Variants in OXR1 observed in about 807,000 individuals in gnomAD.
OXR1 encodes oxidation resistance 1.
Under a neutral mutation model 104.6 loss-of-function variants are expected in OXR1, and 41 were observed. The observed-to-expected ratio is 0.39, with a 90% CI of 0.31 to 0.51. The LOEUF (loss-of-function observed/expected upper bound fraction) is 0.51. Among genes scored for constraint, OXR1 ranks in the 20% least tolerant of loss-of-function variants. The pLI, the probability that OXR1 is intolerant of heterozygous loss-of-function variation, is 0.77. For synonymous variants in OXR1, 348 were observed against 348.4 expected (o/e 1.00, Z 0.01); for missense variants, 955 against 1,031.9 (o/e 0.93, Z 1.02).
chr8:106,713,896 A>G lies in OXR1; in HGVS notation c.1867A>G (p.Arg623Gly). The G allele has an allele frequency of 1.3e-6, 2 of 1,593,420 alleles. No homozygotes were observed. The highest frequency in any genetic ancestry group is 1.7e-6 in the Non-Finnish European group (2 of 1,172,942). ...IYAEDTGEYT[R>G]EPGFIVVKKI... ...TGCAGAAGATACTGGCGAATATACC[A>G]GAGAACCTGGATTTATAGTAGTAAA... is the stretch of plus-strand genomic sequence containing the variant. The change falls in exon 11 of 17, where the codon AGA becomes GGA. Residue 623 changes from arginine to glycine, a missense_variant. This residue lies in a region of OXR1 where 849 missense variants were observed against 852.9 expected (regional missense o/e 1.00). Coordinates refer to ENST00000517566, the MANE Select transcript of OXR1 (RefSeq NM_001198533.2).
At chr8:106,561,192 C>T (rs182692026) in intron 3 of OXR1, among the ~76,000 whole-genome samples, 1 of 152,168 alleles carries the variant, frequency 6.6e-6, no homozygotes, top group African/African-American at 2.4e-5. Context: ...CGGATCCCAC[C>T]CCCGCCAGAG....
intron 3 of OXR1, among the ~76,000 whole-genome samples, chr8:106,574,193 CT>C (rs1817667851): frequency 6.6e-6 from 1 of 151,894 alleles, no homozygotes; most frequent in African/African-American, 2.4e-5. Context: ...TACTAATTTG[CT>C]CCTATAAAAA....
At chr8:106,296,324 C>T (rs943240690) in intron 1 of OXR1, among the ~76,000 whole-genome samples, 3 of 152,080 alleles carry the variant, frequency 2.0e-5, no homozygotes, top group Admixed American at 1.3e-4. Flanking sequence ...AATTAGTGAT[C>T]GCCTCAGGCT....
chr8:106,343,768 G>A (rs548446492), intron 1 of OXR1, among the ~76,000 whole-genome samples: 1 of 152,320 alleles, frequency 6.6e-6, no homozygotes, highest in South Asian at 2.1e-4. Flanking sequence ...TATAATGAAA[G>A]CATCTAATAT....
intron 8 of OXR1, among the ~76,000 whole-genome samples, chr8:106,705,582 A>G (rs557065877): frequency 1.3e-5 from 2 of 152,324 alleles, no homozygotes; most frequent in Non-Finnish European, 2.9e-5. Context: ...AAGAACTCAT[A>G]TAATTTTCAT....
intron 7 of OXR1, among the ~76,000 whole-genome samples, chr8:106,699,930 G>A (rs1436390170): frequency 6.6e-6 from 1 of 152,142 alleles, no homozygotes; most frequent in African/African-American, 2.4e-5. Context: ...AAAAATATCA[G>A]TACAAGCTTT....
intron 1 of OXR1, among the ~76,000 whole-genome samples, chr8:106,327,397 A>C (rs1814514880): frequency 6.6e-6 from 1 of 152,200 alleles, no homozygotes; most frequent in African/African-American, 2.4e-5. Context: ...TCTGTCCTTA[A>C]TTCTAGCATT....
At position 106,487,243 on chromosome 8, in the gene OXR1, C is replaced by T. The variant is rs534435963; in HGVS notation, c.24-31700C>T. ...TTCACCATGTTGGCCAGGCTAGTCT[C>T]GAACTCCTGACCTCAGGTGATCTGC... On this transcript the variant is annotated intron_variant, in intron 2 of 16. Transcript: ENST00000517566. Among the ~76,000 whole-genome samples, 22 of 151,334 alleles carry T rather than the reference C, an allele frequency of 1.5e-4. No individual in the cohort carries two copies. The East Asian group carries it at 3.5e-3, about 24-fold the overall frequency.
intron 3 of OXR1, among the ~76,000 whole-genome samples, chr8:106,626,891 G>T (rs913012805): frequency 6.6e-6 from 1 of 151,394 alleles, no homozygotes; most frequent in African/African-American, 2.4e-5. Context: ...AATAACTTTT[G>T]TAAAGCACTA....
chr8:106,621,065 G>A lies in OXR1; in HGVS notation c.221-58145G>A, dbSNP rs565426888. Among the ~76,000 whole-genome samples, 21 of 152,256 alleles carry A rather than the reference G, an allele frequency of 1.4e-4. 1 individual carries two copies. The South Asian group carries it at 2.5e-3, about 18-fold the overall frequency. On this transcript the variant is annotated intron_variant, in intron 3 of 16. Coordinates refer to ENST00000517566, the MANE Select transcript of OXR1 (RefSeq NM_001198533.2). Reference sequence around the variant, plus strand: ...AGCTTTCTGAATTTAGAGGAGAACCGTGAAATCTATCTTCAGATTATTTCT... The same window carrying A: ...AGCTTTCTGAATTTAGAGGAGAACCATGAAATCTATCTTCAGATTATTTCT...
chr8:106,657,935 C>G, intron 3 of OXR1: 1 of 1,247,748 alleles, frequency 8.0e-7, no homozygotes, highest in Non-Finnish European at 1.0e-6. Context: ...GCCGCCACCG[C>G]CGAAACCGTC....
At chr8:106,312,952 T>G (rs1226178524) in intron 1 of OXR1, among the ~76,000 whole-genome samples, 1 of 152,132 alleles carries the variant, frequency 6.6e-6, no homozygotes, top group Non-Finnish European at 1.5e-5. Context: ...AGGGCTAATG[T>G]TTTGAACCAC....
intron 3 of OXR1, among the ~76,000 whole-genome samples, chr8:106,636,486 T>C (rs1418449659): frequency 6.6e-6 from 1 of 152,168 alleles, no homozygotes; most frequent in Non-Finnish European, 1.5e-5. Context: ...TAAAATAAAC[T>C]CAGCCATCAT....
At chr8:106,334,202 T>A (rs191678496) in intron 1 of OXR1, among the ~76,000 whole-genome samples, 5 of 152,208 alleles carry the variant, frequency 3.3e-5, no homozygotes, top group African/African-American at 4.8e-5. Flanking sequence ...TCCTAAATAC[T>A]TTTTTATACT....
chr8:106,414,620 A>T (rs1489553560), intron 2 of OXR1, among the ~76,000 whole-genome samples: 1 of 152,082 alleles, frequency 6.6e-6, no homozygotes, highest in African/African-American at 2.4e-5. Flanking sequence ...ATGTAGACGG[A>T]TGGGTGGGAA....
At chr8:106,675,985 A>C (rs1209210393) in intron 3 of OXR1, among the ~76,000 whole-genome samples, 1 of 152,114 alleles carries the variant, frequency 6.6e-6, no homozygotes, top group African/African-American at 2.4e-5. Flanking sequence ...TTGTGTGCAT[A>C]TATATATCTA....
chr8:106,576,105 G>T (rs1009350833), intron 3 of OXR1, among the ~76,000 whole-genome samples: 7 of 151,474 alleles, frequency 4.6e-5, no homozygotes, highest in Non-Finnish European at 1.0e-4. Context: ...TCTATTCAAA[G>T]ATTATTAAGA....
intron 2 of OXR1, among the ~76,000 whole-genome samples, chr8:106,406,789 T>A (rs1335451364): frequency 6.6e-6 from 1 of 152,166 alleles, no homozygotes; most frequent in Non-Finnish European, 1.5e-5. Flanking sequence ...TCATTATACA[T>A]GTGTCAGAAC....
intron 3 of OXR1, among the ~76,000 whole-genome samples, chr8:106,598,399 A>T (rs948675658): frequency 6.6e-6 from 1 of 152,166 alleles, no homozygotes; most frequent in African/African-American, 2.4e-5. Context: ...ACAGGAGGAA[A>T]GGTAACTCCT....
Sources: allele counts gnomAD v4.1 joint callset (sites outside exome capture counted in the v4.1 genomes callset), GRCh38; gene constraint gnomAD v4.1.1; regional missense constraint gnomAD v4.1.1; transcripts MANE v1.5; gene names NCBI Gene and HGNC (gene_info 2026-07-23, HGNC 2026-07-21).